The following NRXN1 variants were observed in gnomAD, a reference collection of about 807,000 sequenced individuals.
NRXN1 encodes the protein neurexin-1.
Under a neutral mutation model 150.9 loss-of-function variants are expected in NRXN1, and 39 were observed. That is an observed-to-expected ratio of 0.26 (90% CI 0.20 to 0.34). NRXN1 has a LOEUF of 0.34. Ranked by LOEUF, NRXN1 falls within the 10% of genes least tolerant of loss-of-function variation. The pLI is 1.00. For missense variants in NRXN1, 1,815 were observed against 1,949.9 expected (o/e 0.93, Z 1.30); for synonymous variants, 924 against 757.0 (o/e 1.22, Z -3.62).
At chr2:50,371,884 C>A (rs1456487225) in intron 17 of NRXN1, among the ~76,000 whole-genome samples, 1 of 151,972 alleles carries the variant, frequency 6.6e-6, no homozygotes, top group East Asian at 1.9e-4. Context: ...AGCATGCAAA[C>A]TCTACCTTGT....
chr2:50,386,324 T>A (rs777656213), intron 17 of NRXN1, among the ~76,000 whole-genome samples: 1 of 152,100 alleles, frequency 6.6e-6, no homozygotes, highest in Admixed American at 6.6e-5. Context: ...TTTGTCTTAA[T>A]AGTAATATAA....
intron 18 of NRXN1, among the ~76,000 whole-genome samples, chr2:50,177,087 A>T (rs769396360): frequency 3.3e-5 from 5 of 152,282 alleles, no homozygotes; most frequent in African/African-American, 1.2e-4. Context: ...AGTAATGTCA[A>T]ATTTACTTGA....
At chr2:50,224,725 G>GAT (rs2064207522) in intron 18 of NRXN1, among the ~76,000 whole-genome samples, 1 of 131,468 alleles carries the variant, frequency 7.6e-6, no homozygotes, top group Non-Finnish European at 1.7e-5. Context: ...GAGAGAGAGA[G>GAT]AGAGAGAGAA....
rs143609780 is a variant in NRXN1, at chr2:50,976,612, T to C, written c.773-50657A>G. On this transcript the variant is annotated intron_variant, in intron 2 of 22. Coordinates refer to ENST00000401669, the MANE Select transcript of NRXN1 (RefSeq NM_001330078.2). Reference sequence around the variant, plus strand: ...TAGGGGACCAAGTAGTTAATGTCTATATTAATAAAGGAAAAGTGAATACAC... The same window carrying C: ...TAGGGGACCAAGTAGTTAATGTCTACATTAATAAAGGAAAAGTGAATACAC... Among the ~76,000 whole-genome samples, 820 of 152,058 alleles carry C rather than the reference T, an allele frequency of 5.4e-3. 5 individuals are homozygous for C. Among genetic ancestry groups the C allele is most frequent in the African/African-American group, 0.019 (776 of 41,512 alleles).
chr2:50,541,099 T>C (rs2093379196), intron 9 of NRXN1, among the ~76,000 whole-genome samples: 1 of 152,186 alleles, frequency 6.6e-6, no homozygotes, highest in African/African-American at 2.4e-5. Flanking sequence ...TGAGAAGAAA[T>C]GTTAGGAGAC....
chr2:50,016,795 T>C (rs2152553721), intron 21 of NRXN1, among the ~76,000 whole-genome samples: 1 of 152,174 alleles, frequency 6.6e-6, no homozygotes, highest in Non-Finnish European at 1.5e-5. Flanking sequence ...CATCAGGCTA[T>C]ATGGAAAAAA....
At chr2:50,089,624 C>CA (rs1699275563) in intron 19 of NRXN1, among the ~76,000 whole-genome samples, 1 of 151,758 alleles carries the variant, frequency 6.6e-6, no homozygotes, top group Non-Finnish European at 1.5e-5. Flanking sequence ...CCCATCTCTA[C>CA]AAAAAAATTT....
intron 2 of NRXN1, among the ~76,000 whole-genome samples, chr2:50,954,626 C>G (rs921510021): frequency 2.6e-5 from 4 of 152,106 alleles, no homozygotes; most frequent in African/African-American, 9.7e-5. Context: ...AGGCACAGTT[C>G]AAAGAAAGAA....
intron 18 of NRXN1, among the ~76,000 whole-genome samples, chr2:50,204,455 G>C (rs1462741752): frequency 3.3e-5 from 5 of 151,902 alleles, no homozygotes; most frequent in African/African-American, 1.2e-4. Flanking sequence ...TATTGGCTCT[G>C]TCAGTTTTAG....
Position 50,148,682 on chromosome 2 carries a change from A to G in NRXN1, c.3547-57188T>C, listed in dbSNP as rs191378039. Among the ~76,000 whole-genome samples the G allele has an allele frequency of 1.4e-4, 22 of 151,836 alleles. No individual in the cohort carries two copies. In the East Asian group the frequency reaches 3.9e-3, roughly 27 times the overall value. The stretch of plus-strand genomic sequence containing the variant: ...TGACCCATGATTCAGAATTGCAATC[A>G]CAAAGTGCCCCTGATGCTACTGTTC... On this transcript the variant is annotated intron_variant, in intron 18 of 22. Transcript: ENST00000401669.
At chr2:50,321,995 T>A (rs1363574844) in intron 17 of NRXN1, among the ~76,000 whole-genome samples, 1 of 148,210 alleles carries the variant, frequency 6.7e-6, no homozygotes, top group Non-Finnish European at 1.5e-5. Flanking sequence ...ATTAGCAAAG[T>A]GGTCTACCTG....
At position 50,582,866 on chromosome 2, in the gene NRXN1, C is replaced by T. The variant is rs368015338; in HGVS notation, c.1321-29841G>A. Among the ~76,000 whole-genome samples the T allele has an allele frequency of 3.5e-4, 53 of 152,246 alleles. 1 individual carries two copies. The highest frequency in any genetic ancestry group is 1.2e-3 in the African/African-American group (50 of 41,540). ...GCAATAGCTATCAGAACCAGTCCCA[C>T]GTACCTTACTTCACAGCTGTCACTC... On this transcript the variant is annotated intron_variant, in intron 8 of 22. Coordinates refer to ENST00000401669, the MANE Select transcript of NRXN1 (RefSeq NM_001330078.2).
At chr2:50,982,058 G>A (rs1286780611) in intron 2 of NRXN1, among the ~76,000 whole-genome samples, 1 of 151,992 alleles carries the variant, frequency 6.6e-6, no homozygotes, top group Non-Finnish European at 1.5e-5. Flanking sequence ...CATCTTAATA[G>A]TTTATAGAGT....
intron 11 of NRXN1, among the ~76,000 whole-genome samples, chr2:50,530,675 C>T (rs1321716936): frequency 6.6e-6 from 1 of 152,128 alleles, no homozygotes; most frequent in East Asian, 1.9e-4. Flanking sequence ...CATTGAAGGG[C>T]TGTGGATCGC....
At chr2:50,010,095 C>G (rs993075638) in intron 21 of NRXN1, among the ~76,000 whole-genome samples, 4 of 151,836 alleles carry the variant, frequency 2.6e-5, no homozygotes, top group Non-Finnish European at 4.4e-5. Flanking sequence ...ACAAACCAGG[C>G]TTTAATTTAC....
In NRXN1 at chr2:50,173,328, G is replaced by A. The variant is rs930527940; in HGVS notation, c.3546+63461C>T. Among the ~76,000 whole-genome samples, 5 of 152,166 alleles carry A rather than the reference G, an allele frequency of 3.3e-5. No individual in the cohort carries two copies. In the East Asian group the frequency reaches 5.8e-4, roughly 18 times the overall value. On this transcript the variant is annotated intron_variant, in intron 18 of 22. Coordinates refer to ENST00000401669, the MANE Select transcript of NRXN1 (RefSeq NM_001330078.2). ...GATTTTGATCCAACTGATTATTATT[G>A]TTCCTAGTTCAAAATATTTTAGGCC...
intron 21 of NRXN1, among the ~76,000 whole-genome samples, chr2:50,044,675 A>T (rs1035796179): frequency 6.6e-6 from 1 of 152,210 alleles, no homozygotes; most frequent in African/African-American, 2.4e-5. Context: ...TTGTTGATGT[A>T]GGGCACTTTA....
chr2:50,815,285 C>T (rs565948474), intron 5 of NRXN1, among the ~76,000 whole-genome samples: 6 of 152,190 alleles, frequency 3.9e-5, no homozygotes, highest in South Asian at 4.1e-4. Flanking sequence ...TGACAAGGGA[C>T]GCAGTGGTAA....
At chr2:50,807,572 AGT>A (rs1491567338) in intron 5 of NRXN1, among the ~76,000 whole-genome samples, 1 of 152,164 alleles carries the variant, frequency 6.6e-6, no homozygotes. Flanking sequence ...CCTTGTTAAC[AGT>A]GTTTCCCCAG....
Sources: gnomAD v4.1 joint callset for allele counts (sites outside exome capture counted in the v4.1 genomes callset) on GRCh38, gnomAD v4.1.1 for gene constraint, MANE v1.5 for transcripts, NCBI Gene and HGNC (gene_info 2026-07-23, HGNC 2026-07-21) for gene names.